Variants in BRPF3 observed in about 807,000 individuals in gnomAD.
The protein encoded by BRPF3 is bromodomain and PHD finger-containing protein 3.
Under a neutral mutation model 102.0 loss-of-function variants are expected in BRPF3, and 18 were observed. That is an observed-to-expected ratio of 0.18 (90% CI 0.12 to 0.26). The LOEUF (loss-of-function observed/expected upper bound fraction) is 0.26. Among genes scored for constraint, BRPF3 ranks in the 10% least tolerant of loss-of-function variants. BRPF3 has a pLI of 1.00. For synonymous variants in BRPF3, 570 were observed against 614.2 expected, an observed-to-expected ratio of 0.93 and a Z score of 1.06; for missense variants, 1,147 against 1,567.8, an observed-to-expected ratio of 0.73 and a Z score of 4.53.
In BRPF3 at chr6:36,231,298, A is replaced by G. The variant is rs1326446799; in HGVS notation, c.*689A>G. On this transcript the variant is annotated 3_prime_UTR_variant, in exon 13 of 13. Coordinates refer to ENST00000357641, the MANE Select transcript of BRPF3 (RefSeq NM_015695.3). ...AGGCCCAGACAGAGGCCAGCCCACA[A>G]CCTATGACCCCCTCCCCCAGGACAC... 6.6e-6 allele frequency: 1 copy of G among 152,402 alleles called. No individual in the cohort carries two copies. The highest frequency in any genetic ancestry group is 1.5e-5 in the Non-Finnish European group (1 of 68,090). The allele number at this position is 152,402 out of a possible 1,614,324, so 9.4% of individuals were successfully genotyped here. A position where few individuals can be genotyped will look rare whatever the true frequency, so the allele number is the denominator to read the frequency against.
intron 3 of BRPF3, among the ~76,000 whole-genome samples, chr6:36,206,744 ATCT>A (rs1442399772): frequency 6.6e-6 from 1 of 152,060 alleles, no homozygotes; most frequent in African/African-American, 2.4e-5. Context: ...ACCTACTCAG[ATCT>A]TCTATTTTGT....
At position 36,210,810 on chromosome 6, in the gene BRPF3, A is replaced by T. The variant is rs1350473013; in HGVS notation, c.2179+282A>T. ...CTCATCAGAGGTCTTCCTCTCTTGG[A>T]TCCCCTCTGTATGGCATTGGAGCAT... On this transcript the variant is annotated intron_variant, in intron 6 of 12. Coordinates refer to ENST00000357641, the MANE Select transcript of BRPF3 (RefSeq NM_015695.3). This position sits in a 1 kb window ranked among gnomAD's most constrained non-coding sequence, Gnocchi z 4.7. Among the ~76,000 whole-genome samples, 1 of 152,188 alleles carries T rather than the reference A, an allele frequency of 6.6e-6. No individual in the cohort carries two copies. The highest frequency in any genetic ancestry group is 1.5e-5 in the Non-Finnish European group (1 of 68,030).
chr6:36,204,959 C>T (rs1325878280), intron 3 of BRPF3, 145 bp downstream of exon 3: 1 of 1,008,352 alleles, frequency 9.9e-7, no homozygotes, highest in Non-Finnish European at 1.4e-6. Context: ...CCAGGAACAA[C>T]CCCCAGCACT....
intron 10 of BRPF3, 63 bp from the exon 11 acceptor site, chr6:36,225,203 AG>A: frequency 7.1e-7 from 1 of 1,400,512 alleles, no homozygotes; most frequent in East Asian, 2.3e-5. Flanking sequence ...GGCCACAGGC[AG>A]GCCTTTTGGG....
chr6:36,216,430 C>T (rs534384095), intron 8 of BRPF3, among the ~76,000 whole-genome samples: 3 of 152,328 alleles, frequency 2.0e-5, no homozygotes, highest in African/African-American at 7.2e-5. Flanking sequence ...CTCACCATCC[C>T]AGTTGCCTGG....
intron 9 of BRPF3, among the ~76,000 whole-genome samples, chr6:36,219,296 G>A (rs752684720): frequency 6.6e-6 from 1 of 152,098 alleles, no homozygotes; most frequent in African/African-American, 2.4e-5. Context: ...TCCTATTGCA[G>A]CCTCCAGAGA....
intron 11 of BRPF3, 60 bp from the exon 12 acceptor site, chr6:36,228,842 C>G (rs1236562710): frequency 2.9e-5 from 46 of 1,591,288 alleles, no homozygotes; most frequent in Non-Finnish European, 3.8e-5. Context: ...GGTCCTGCAG[C>G]AGGGGCACTG....
rs182275302 is a variant in BRPF3 at position 36,213,089 on chromosome 6, G to A, written c.2483-791G>A. Reference sequence around the variant, plus strand: ...CTGCTGTACTTGTTCTTACTTGGGTGATGTGAAATAAAATCGATTGACAGA... The same window carrying A: ...CTGCTGTACTTGTTCTTACTTGGGTAATGTGAAATAAAATCGATTGACAGA... On this transcript the variant is annotated intron_variant, in intron 7 of 12. Transcript: ENST00000357641. Among the ~76,000 whole-genome samples, 15 of 152,354 alleles carry A rather than the reference G, an allele frequency of 9.8e-5. No individual in the cohort carries two copies. The East Asian group carries it at 2.9e-3, about 29-fold the overall frequency.
rs73415524 is a variant in BRPF3, at chr6:36,230,686, G to T, written c.*77G>T. 2.0e-6 allele frequency: 3 copies of T among 1,500,036 alleles called. No homozygotes were observed. The East Asian group carries it at 7.0e-5, about 35-fold the overall frequency. 92.9% of individuals were successfully genotyped at this position (1,500,036 alleles called of 1,614,324 possible). A position where few individuals can be genotyped will look rare whatever the true frequency, so the allele number is the denominator to read the frequency against. ...AGAGAAGCCTCTTCTGCCCCTGCCAGATGTATGGCCGGCAGCTTCCCCCTC... is the reference window on the plus strand; with the variant it reads ...AGAGAAGCCTCTTCTGCCCCTGCCATATGTATGGCCGGCAGCTTCCCCCTC... On this transcript the variant is annotated 3_prime_UTR_variant, in exon 13 of 13. Transcript: ENST00000357641. This position sits in a 1 kb window ranked among gnomAD's most constrained non-coding sequence, Gnocchi z 5.4.
chr6:36,223,652 A>C (rs556412840), intron 10 of BRPF3, among the ~76,000 whole-genome samples: 38 of 152,148 alleles, frequency 2.5e-4, no homozygotes, highest in Admixed American at 2.1e-3. Flanking sequence ...CATAATCTTT[A>C]TATATCTCAT....
rs142038497 is a variant in BRPF3, at chr6:36,201,015, C to T, written c.693C>T (p.Phe231=). Reference sequence around the variant, plus strand: ...GTCACAATAGCAATGTTATTCTCTTCTGTGACATCTGCAACCTGGCTGTAC... The same window carrying T: ...GTCACAATAGCAATGTTATTCTCTTTTGTGACATCTGCAACCTGGCTGTAC... ...DECHNSNVIL[F]CDICNLAVHQ... Residue 231 remains phenylalanine (F), a synonymous_variant, in exon 2 of 13, where the codon TTC becomes TTT. Coordinates refer to ENST00000357641, the MANE Select transcript of BRPF3 (RefSeq NM_015695.3). The surrounding 1 kb of genome is among the most constrained non-coding windows in gnomAD (Gnocchi z 5.1). 1.7e-5 allele frequency: 27 copies of T among 1,614,056 alleles called. No homozygotes were observed. The highest frequency in any genetic ancestry group is 2.2e-5 in the Non-Finnish European group (26 of 1,180,046).
chr6:36,228,765 C>T (rs983745015), intron 11 of BRPF3, 137 bp from the exon 12 acceptor site: 10 of 993,500 alleles, frequency 1.0e-5, no homozygotes, highest in Non-Finnish European at 1.5e-5. Flanking sequence ...GTTTGCCTGT[C>T]TGGTCTGGAC....
chr6:36,203,984 C>G (rs1041685083), intron 2 of BRPF3, among the ~76,000 whole-genome samples: 9 of 152,180 alleles, frequency 5.9e-5, no homozygotes, highest in African/African-American at 2.2e-4. Context: ...CCTCTCCTAC[C>G]CCTTTTCCTC....
intron 7 of BRPF3, 72 bp downstream of exon 7, chr6:36,211,632 A>G: frequency 6.7e-7 from 1 of 1,488,900 alleles, no homozygotes; most frequent in East Asian, 2.5e-5. Context: ...AAATATCATA[A>G]TGGGGGTATT....
In BRPF3 at chr6:36,201,861, G is replaced by T; in HGVS notation, c.1448+91G>T. The T allele has an allele frequency of 6.7e-7, 1 of 1,495,914 alleles. No individual in the cohort carries two copies. The allele number at this position is 1,495,914 out of a possible 1,614,324, so 92.7% of individuals were successfully genotyped here. On this transcript the variant is annotated intron_variant, in intron 2 of 12. Transcript: ENST00000357641. This position sits in a 1 kb window ranked among gnomAD's most constrained non-coding sequence, Gnocchi z 5.1. ...GCCAGGCCTTCGCTAAACACAGTTG[G>T]ACACTATATCCTCCTCCCCGAATTT...
intron 8 of BRPF3, among the ~76,000 whole-genome samples, chr6:36,216,299 C>T (rs1012268764): frequency 1.3e-5 from 2 of 152,184 alleles, no homozygotes; most frequent in Non-Finnish European, 1.5e-5. Context: ...CTTAGCCATA[C>T]AGTGCTGAGA....
chr6:36,201,786 A>C lies in BRPF3; in HGVS notation c.1448+16A>C. 2 of 1,568,286 alleles carry C rather than the reference A, an allele frequency of 1.3e-6. No homozygotes were observed. The highest frequency in any genetic ancestry group is 1.7e-6 in the Non-Finnish European group (2 of 1,158,520). On this transcript the variant is annotated intron_variant, in intron 2 of 12. Transcript: ENST00000357641. This position sits in a 1 kb window ranked among gnomAD's most constrained non-coding sequence, Gnocchi z 5.1. ...CCTCTTACAGGTAAGCATGCCCAGA[A>C]GGGCTCCTTAGGGACTCATGGTTTC...
chr6:36,215,388 G>T (rs987349164), intron 8 of BRPF3, among the ~76,000 whole-genome samples: 1 of 152,214 alleles, frequency 6.6e-6, no homozygotes, highest in Non-Finnish European at 1.5e-5. Context: ...GGGATTACAG[G>T]CATGAGCCAC....
rs769034285 is a variant in BRPF3 at position 36,200,456 on chromosome 6, T to C, written c.134T>C (p.Ile45Thr). 1.3e-5 allele frequency: 21 copies of C among 1,614,100 alleles called. No homozygotes were observed. The South Asian group carries it at 1.3e-4, about 10-fold the overall frequency. The change falls in exon 2 of 13, where the codon ATT becomes ACT. Residue 45 changes from isoleucine to threonine, a missense_variant. Ile to Thr is a moderately conservative substitution (Grantham distance 89). Transcript: ENST00000357641. The surrounding 1 kb of genome is among the most constrained non-coding windows in gnomAD (Gnocchi z 5.3). The part of the protein sequence containing the change: ...AQAQRIVEVD[I>T]DGRLHRISIY... ...GCCCAGCGGATTGTCGAGGTAGACA[T>C]TGATGGACGCCTGCATCGTATCAGC... is the stretch of plus-strand genomic sequence containing the variant.
Sources: gnomAD v4.1 joint callset for allele counts (sites outside exome capture counted in the v4.1 genomes callset) on GRCh38, gnomAD v4.1.1 for gene constraint, Gnocchi (gnomAD v3.1) non-coding constraint, MANE v1.5 for transcripts, NCBI Gene and HGNC (gene_info 2026-07-23, HGNC 2026-07-21) for gene names.